MYCBP2: variants seen among roughly 807,000 people sequenced by gnomAD.
MYCBP2 encodes MYC binding protein 2, also known as E3 ubiquitin-protein ligase MYCBP2.
In MYCBP2, 120 loss-of-function variants were observed where a neutral mutation model predicts 525.3. The ratio of observed to expected loss-of-function variants is 0.23; its 90% CI spans 0.20 to 0.27. The LOEUF (loss-of-function observed/expected upper bound fraction) is 0.27, where lower values mean the gene tolerates loss of function less well. Among genes scored for constraint, MYCBP2 ranks in the 10% least tolerant of loss-of-function variants. The pLI, the probability that MYCBP2 is intolerant of heterozygous loss-of-function variation, is 1.00. For missense variants in MYCBP2, 4,149 were observed against 5,657.1 expected (o/e 0.73, Z 8.55); for synonymous variants, 1,894 against 1,955.8 (o/e 0.97, Z 0.83).
At chr13:77,281,010 C>T (rs2076133443) in intron 3 of MYCBP2, among the ~76,000 whole-genome samples, 1 of 152,178 alleles carries the variant, frequency 6.6e-6, no homozygotes, top group Non-Finnish European at 1.5e-5. Context: ...GATTATTGCA[C>T]AGAGGTAACA....
rs1338730136 is a variant in MYCBP2, at chr13:77,213,128, C to G, written c.3058-968G>C. ...GCCAAAACACTCAACATTTATTTCT[C>G]ATACTCTTTTAAGATCTGTCCTTAT... On this transcript the variant is annotated intron_variant, in intron 21 of 82. Transcript: ENST00000544440. Among the ~76,000 whole-genome samples the G allele has an allele frequency of 3.3e-5, 5 of 152,294 alleles. No homozygotes were observed. The East Asian group carries it at 7.7e-4, about 24-fold the overall frequency.
intron 12 of MYCBP2, 102 bp downstream of exon 12, chr13:77,261,069 G>T (rs1304683543): frequency 4.8e-6 from 4 of 825,060 alleles, no homozygotes. Flanking sequence ...TAAAGTTGGT[G>T]TGGTGTTATT....
chr13:77,237,965 C>T (rs531567012), intron 17 of MYCBP2, among the ~76,000 whole-genome samples: 49 of 152,086 alleles, frequency 3.2e-4, no homozygotes, highest in South Asian at 1.7e-3. Context: ...AGCAACATGC[C>T]GGACGCGGTG....
At chr13:77,140,760 T>C (rs1454321625) in intron 50 of MYCBP2, 86 bp downstream of exon 50, 7 of 911,542 alleles carry the variant, frequency 7.7e-6, no homozygotes, top group Non-Finnish European at 1.1e-5. Flanking sequence ...TCAAGTAAAA[T>C]GTTAGATGTT....
chr13:77,277,558 G>A (rs9600850), intron 4 of MYCBP2, among the ~76,000 whole-genome samples: 5,925 of 152,266 alleles, frequency 0.039, 402 homozygotes, highest in African/African-American at 0.13. Flanking sequence ...GGTTCATGCA[G>A]TTTGGTTCTC....
chr13:77,126,467 G>C lies in MYCBP2; in HGVS notation c.7735C>G (p.Gln2579Glu). Reference protein sequence around the residue: ...CCPQEATMQEQDMPFLRGGPG... With the variant: ...CCPQEATMQEEDMPFLRGGPG... ...CCTCCTCGCAAGAATGGCATATCTT[G>C]TTCTTGCATTGTTGCTTCCTGTGGG... The change falls in exon 53 of 83, where the codon CAA becomes GAA. Residue 2579 changes from glutamine to glutamate, a missense_variant. Physicochemically the swap from Gln to Glu is conservative, Grantham distance 29 (BLOSUM62 2). Around this residue, in one of 21 missense-constraint regions of MYCBP2, gnomAD observed 692 missense variants for 852.7 expected, o/e 0.81. Coordinates refer to ENST00000544440, the MANE Select transcript of MYCBP2 (RefSeq NM_015057.5). 3 of 1,613,916 alleles carry C rather than the reference G, an allele frequency of 1.9e-6. No individual in the cohort carries two copies. The highest frequency in any genetic ancestry group is 2.5e-6 in the Non-Finnish European group (3 of 1,179,830).
intron 4 of MYCBP2, among the ~76,000 whole-genome samples, chr13:77,275,088 C>T (rs550101006): frequency 6.6e-6 from 1 of 152,286 alleles, no homozygotes; most frequent in African/African-American, 2.4e-5. Context: ...AACTCTCACA[C>T]ACTGGCAACT....
intron 2 of MYCBP2, among the ~76,000 whole-genome samples, chr13:77,294,725 T>C (rs894088916): frequency 8.5e-5 from 13 of 152,240 alleles, no homozygotes; most frequent in African/African-American, 3.1e-4. Flanking sequence ...TTTCTGTATA[T>C]TGACAATGCG....
At position 77,168,704 on chromosome 13, in the gene MYCBP2, T is replaced by C. The variant is rs2058796277; in HGVS notation, c.5896-58A>G. 4.1e-6 allele frequency: 6 copies of C among 1,467,312 alleles called. No homozygotes were observed. In the African/African-American group the frequency reaches 5.6e-5, roughly 14 times the overall value. The allele number at this position is 1,467,312 out of a possible 1,614,324, so 90.9% of individuals were successfully genotyped here. ...ATACACGTGAAAGTGGTTCTAAAAT[T>C]ATGCATTACAATAATTGTTGGTTAC... On this transcript the variant is annotated intron_variant, in intron 39 of 82. Transcript: ENST00000544440.
At chr13:77,168,786 A>C (rs2058807186) in intron 39 of MYCBP2, 140 bp from the exon 40 acceptor site, 1 of 677,426 alleles carries the variant, frequency 1.5e-6, no homozygotes, top group African/African-American at 1.8e-5. Context: ...CCAAAGAGAA[A>C]TCTTTCAATT....
intron 32 of MYCBP2, among the ~76,000 whole-genome samples, chr13:77,184,897 A>C (rs906460187): frequency 1.2e-4 from 18 of 152,208 alleles, no homozygotes; most frequent in African/African-American, 4.3e-4. Context: ...GCAACTGCAC[A>C]ATGTGCCTAC....
chr13:77,318,981 C>T (rs1250787385), intron 1 of MYCBP2, among the ~76,000 whole-genome samples: 1 of 152,168 alleles, frequency 6.6e-6, no homozygotes, highest in Non-Finnish European at 1.5e-5. Context: ...AATGTCAAAA[C>T]CGTGAACTAC....
intron 48 of MYCBP2, among the ~76,000 whole-genome samples, chr13:77,145,117 A>G (rs2055317090): frequency 6.6e-6 from 1 of 152,008 alleles, no homozygotes; most frequent in Admixed American, 6.6e-5. Context: ...TTTATATCAA[A>G]CTCCATTCTC....
chr13:77,198,628 C>T (rs906702502), intron 26 of MYCBP2, among the ~76,000 whole-genome samples: 2 of 152,130 alleles, frequency 1.3e-5, no homozygotes, highest in African/African-American at 2.4e-5. Flanking sequence ...AAAGAATGAA[C>T]ATATACTTTG....
At chr13:77,294,119 T>TATATATATATATATATATATATATATAC (rs1567182258) in intron 2 of MYCBP2, among the ~76,000 whole-genome samples, 1 of 64,138 alleles carries the variant, frequency 1.6e-5, no homozygotes, top group Admixed American at 2.5e-4. Flanking sequence ...TATATATATA[T>TATATATATATATATATATATATATATAC]ATATATATAT....
intron 55 of MYCBP2, 187 bp from the exon 56 acceptor site, chr13:77,099,200 CACA>C (rs761535275): frequency 2.5e-6 from 2 of 790,916 alleles, no homozygotes; most frequent in South Asian, 1.9e-5. Context: ...CACATCATTA[CACA>C]ACATTACCAC....
chr13:77,052,027 T>C, intron 80 of MYCBP2, 109 bp from the exon 81 acceptor site: 1 of 802,950 alleles, frequency 1.2e-6, no homozygotes, highest in Non-Finnish European at 2.1e-6. Flanking sequence ...GAAAATACCA[T>C]TATCTACTAG....
chr13:77,187,416 A>C (rs931292611), intron 30 of MYCBP2, among the ~76,000 whole-genome samples: 2 of 152,216 alleles, frequency 1.3e-5, no homozygotes, highest in East Asian at 3.8e-4. Context: ...AGGATATACC[A>C]AACTTTAAAT....
intron 79 of MYCBP2, 104 bp from the exon 80 acceptor site, chr13:77,055,871 G>C (rs1412148312): frequency 1.4e-6 from 1 of 717,044 alleles, no homozygotes; most frequent in Non-Finnish European, 2.3e-6. Context: ...AAGATAACCA[G>C]ACAGCACACA....
Sources: allele counts gnomAD v4.1 joint callset (sites outside exome capture counted in the v4.1 genomes callset), GRCh38; gene constraint gnomAD v4.1.1; regional missense constraint gnomAD v4.1.1; transcripts MANE v1.5; gene names NCBI Gene and HGNC (gene_info 2026-07-23, HGNC 2026-07-21).